Variants in SH3TC2 observed in about 807,000 individuals in gnomAD.
SH3TC2 encodes the protein SH3 domain and tetratricopeptide repeats 2, also known as SH3 domain and tetratricopeptide repeat-containing protein 2.
In SH3TC2, 87 loss-of-function variants were observed where a neutral mutation model predicts 124.5. The observed-to-expected ratio is 0.70, with a 90% CI of 0.59 to 0.84. SH3TC2 has a LOEUF of 0.84. Among genes scored for constraint, SH3TC2 ranks in the 40% least tolerant of loss-of-function variants. The probability of loss-of-function intolerance (pLI) is 0.00; values close to 1 mark genes in which losing one functional copy is unlikely to be tolerated. For missense variants in SH3TC2, 1,536 were observed against 1,566.4 expected, an observed-to-expected ratio of 0.98 and a Z score of 0.33; for synonymous variants, 634 against 628.5, an observed-to-expected ratio of 1.01 and a Z score of -0.13.
At position 149,028,714 on chromosome 5, in the gene SH3TC2, C is replaced by G. The variant is rs768932852; in HGVS notation, c.1140G>C (p.Gly380=). 2.8e-5 allele frequency: 46 copies of G among 1,614,072 alleles called. No homozygotes were observed. Among genetic ancestry groups the G allele is most frequent in the Non-Finnish European group, 3.3e-5 (39 of 1,180,026 alleles). ...TDITSVYRLS[G]FESIQNPPND... is the part of the protein sequence containing the mutation. Reference sequence around the variant, plus strand: ...TTGGAGGATTCTGGATGGATTCAAACCCACCTAAGTAGAGATGAAGAACAG... The same window carrying G: ...TTGGAGGATTCTGGATGGATTCAAAGCCACCTAAGTAGAGATGAAGAACAG... The change falls in exon 10 of 17, where the codon GGG becomes GGC. Residue 380 remains glycine, a synonymous_variant. Transcript: ENST00000515425.
rs1233841634 is a variant in SH3TC2, at chr5:148,986,778, TTCCCATGCTGTAATC to T, written c.*17918_*17932del. On this transcript the variant is annotated 3_prime_UTR_variant, in exon 17 of 17. Transcript: ENST00000515425. ...CCAAATGTGACGAGCCTAAATCCCA[TTCCCATGCTGTAATC>T]TCCCAGTCCTGTTCTGTCTTGCTCC... 5.3e-5 allele frequency among the ~76,000 whole-genome samples: 8 copies of T among 152,164 alleles called. No individual in the cohort carries two copies. The highest frequency in any genetic ancestry group is 1.9e-4 in the African/African-American group (8 of 41,424).
In SH3TC2 at chr5:148,982,719, C is replaced by T. The variant is rs560852199; in HGVS notation, c.*21992G>A. 2.0e-5 allele frequency among the ~76,000 whole-genome samples: 3 copies of T among 152,032 alleles called. No individual in the cohort carries two copies. Among genetic ancestry groups the T allele is most frequent in the Non-Finnish European group, 2.9e-5 (2 of 67,996 alleles). On this transcript the variant is annotated 3_prime_UTR_variant, in exon 17 of 17. Coordinates refer to ENST00000515425, the MANE Select transcript of SH3TC2 (RefSeq NM_024577.4). ...AATTGTTTTTATACACACAAAATAT[C>T]CCTGGAAGAATACACAAGAAACTAA...
chr5:149,010,295 C>T lies in SH3TC2; in HGVS notation c.3302G>A (p.Arg1101Lys). The change falls in exon 14 of 17, where the codon AGG (arginine) becomes AAG (lysine). Residue 1101 changes from arginine to lysine, a missense_variant. Arg to Lys is a conservative substitution (Grantham distance 26). Transcript: ENST00000515425. Reference sequence around the variant, plus strand: ...TCGGTAGTACTCCACTGCATGATGCCTGTGGCGGGTCCCATTGAAGAACAC... The same window carrying T: ...TCGGTAGTACTCCACTGCATGATGCTTGTGGCGGGTCCCATTGAAGAACAC... ...GDVFFNGTRHRHHAVEYYRAG... is the reference protein window; with the variant it reads ...GDVFFNGTRHKHHAVEYYRAG... The T allele has an allele frequency of 1.9e-6, 3 of 1,614,230 alleles. No homozygotes were observed. The highest frequency in any genetic ancestry group is 2.5e-6 in the Non-Finnish European group (3 of 1,180,042).
intron 4 of SH3TC2, 149 bp from the exon 5 acceptor site, chr5:149,042,986 G>A: frequency 1.2e-6 from 1 of 865,644 alleles, no homozygotes; most frequent in South Asian, 1.4e-5. Context: ...AACATAAGAG[G>A]CAAAGCCAGA....
In SH3TC2 at chr5:148,982,485, A is replaced by T. The variant is rs1316665525; in HGVS notation, c.*22226T>A. Among the ~76,000 whole-genome samples, 2 of 152,356 alleles carry T rather than the reference A, an allele frequency of 1.3e-5. No homozygotes were observed. Among genetic ancestry groups the T allele is most frequent in the East Asian group, 3.9e-4 (2 of 5,186 alleles). On this transcript the variant is annotated 3_prime_UTR_variant, in exon 17 of 17. Coordinates refer to ENST00000515425, the MANE Select transcript of SH3TC2 (RefSeq NM_024577.4). The stretch of plus-strand genomic sequence containing the variant: ...TTTACAGTAGCACAGTATCAAAAAT[A>T]ACCAAATTGACACCACTAGAGAACC...
chr5:149,034,543 A>G, intron 8 of SH3TC2: 1 of 387,582 alleles, frequency 2.6e-6, no homozygotes, highest in Non-Finnish European at 5.1e-6. Flanking sequence ...AATAAATATA[A>G]TATCATTTTT....
intron 3 of SH3TC2, chr5:149,045,598 G>C (rs918954073): frequency 6.6e-6 from 1 of 152,072 alleles, no homozygotes; most frequent in Non-Finnish European, 1.5e-5. Context: ...TGCTCACAAG[G>C]AGAGTGACAG....
At position 149,002,091 on chromosome 5, in the gene SH3TC2, G is replaced by C. The variant is rs1233802141; in HGVS notation, c.*2620C>G. The C allele has an allele frequency of 2.0e-5, 3 of 152,668 alleles. No individual in the cohort carries two copies. The highest frequency in any genetic ancestry group is 4.4e-5 in the Non-Finnish European group (3 of 68,056). The allele number at this position is 152,668 out of a possible 1,614,324, so 9.5% of individuals were successfully genotyped here. On this transcript the variant is annotated 3_prime_UTR_variant, in exon 17 of 17. Coordinates refer to ENST00000515425, the MANE Select transcript of SH3TC2 (RefSeq NM_024577.4). ...CGGCCAATATCAAAAGCCTCATGCA[G>C]TTGTGGGAACTGCTCTTTCAGAGAA...
chr5:149,004,237 C>T lies in SH3TC2; in HGVS notation c.*474G>A, dbSNP rs1753643975. On this transcript the variant is annotated 3_prime_UTR_variant, in exon 17 of 17. Coordinates refer to ENST00000515425, the MANE Select transcript of SH3TC2 (RefSeq NM_024577.4). ...ATGAGGAGTGATACATACTTTGGTT[C>T]TGAAGAAAGAAATGGAAAAAACTAC... 8 of 183,886 alleles carry T rather than the reference C, an allele frequency of 4.4e-5. No individual in the cohort carries two copies. The South Asian group carries it at 9.2e-4, about 21-fold the overall frequency. The allele number at this position is 183,886 out of a possible 1,614,324, so 11.4% of individuals were successfully genotyped here.
At position 149,028,033 on chromosome 5, in the gene SH3TC2, A is replaced by G; in HGVS notation, c.1699T>C (p.Leu567=). 6.2e-7 allele frequency: 1 copy of G among 1,614,130 alleles called. No homozygotes were observed. The highest frequency in any genetic ancestry group is 8.5e-7 in the Non-Finnish European group (1 of 1,180,024). ...AAATTGATGTACAGAGTGGCCACCAAGGATAGGTCCTCAAATGCTCCATTG... is the reference window on the plus strand; with the variant it reads ...AAATTGATGTACAGAGTGGCCACCAGGGATAGGTCCTCAAATGCTCCATTG... ...ILNGAFEDLS[L]VATLYINLAA... is the part of the protein sequence containing the mutation. Residue 567 remains leucine (L), a synonymous_variant, in exon 11 of 17, where the codon TTG becomes CTG. Coordinates refer to ENST00000515425, the MANE Select transcript of SH3TC2 (RefSeq NM_024577.4).
rs769473499 is a variant in SH3TC2, at chr5:148,989,255, CT to C, written c.*15455del. ...TACATTCCAGCCACCATGCTAACTGCTTTAGACATATTAATTCATTAATTTT... is the reference window on the plus strand; with the variant it reads ...TACATTCCAGCCACCATGCTAACTGCTTAGACATATTAATTCATTAATTTT... On this transcript the variant is annotated 3_prime_UTR_variant, in exon 17 of 17. Transcript: ENST00000515425. Among the ~76,000 whole-genome samples the C allele has an allele frequency of 2.0e-5, 3 of 152,142 alleles. No individual in the cohort carries two copies. Among genetic ancestry groups the C allele is most frequent in the Non-Finnish European group, 2.9e-5 (2 of 68,032 alleles).
At chr5:149,044,868 A>G (rs1754431373) in intron 3 of SH3TC2, 2 of 484,640 alleles carry the variant, frequency 4.1e-6, no homozygotes, top group Non-Finnish European at 7.5e-6. Flanking sequence ...AGAAGAAAGA[A>G]GCTCTTTGTG....
rs1378822623 is a variant in SH3TC2, at chr5:148,991,227, T to C, written c.*13484A>G. On this transcript the variant is annotated 3_prime_UTR_variant, in exon 17 of 17. Coordinates refer to ENST00000515425, the MANE Select transcript of SH3TC2 (RefSeq NM_024577.4). ...CTCTATACAAAAGCTTTTACCCATA[T>C]ACCACATTGGATGTGAGAGTGAATA... is the stretch of plus-strand genomic sequence containing the variant. Among the ~76,000 whole-genome samples, 3 of 152,228 alleles carry C rather than the reference T, an allele frequency of 2.0e-5. No homozygotes were observed. Among genetic ancestry groups the C allele is most frequent in the Non-Finnish European group, 2.9e-5 (2 of 68,042 alleles).
intron 7 of SH3TC2, among the ~76,000 whole-genome samples, chr5:149,040,165 T>A (rs1176937371): frequency 6.6e-6 from 1 of 152,210 alleles, no homozygotes; most frequent in Non-Finnish European, 1.5e-5. Flanking sequence ...GTGCCAGGCA[T>A]TTCTACTCTT....
chr5:149,051,088 C>T (rs1364432133), intron 2 of SH3TC2, among the ~76,000 whole-genome samples: 10 of 152,204 alleles, frequency 6.6e-5, no homozygotes, highest in Non-Finnish European at 1.5e-5. Flanking sequence ...TACCGTACAA[C>T]AGAAATCAAG....
intron 12 of SH3TC2, among the ~76,000 whole-genome samples, chr5:149,013,534 G>A (rs1753819940): frequency 6.6e-6 from 1 of 152,190 alleles, no homozygotes; most frequent in Non-Finnish European, 1.5e-5. Flanking sequence ...TTGAGTGAAT[G>A]CATGAATGAG....
chr5:149,018,284 G>A (rs1002386759), intron 12 of SH3TC2, among the ~76,000 whole-genome samples: 3 of 151,900 alleles, frequency 2.0e-5, no homozygotes, highest in Non-Finnish European at 2.9e-5. Flanking sequence ...GCAACCCCCC[G>A]CCCCCATGCC....
At chr5:149,026,448 T>G in intron 12 of SH3TC2, 124 bp downstream of exon 12, 1 of 1,182,704 alleles carries the variant, frequency 8.5e-7, no homozygotes. Context: ...TGCAGAGCCC[T>G]TGCTCTTTTG....
chr5:149,030,482 C>T (rs1156604887), intron 9 of SH3TC2, among the ~76,000 whole-genome samples: 1 of 152,238 alleles, frequency 6.6e-6, no homozygotes, highest in African/African-American at 2.4e-5. Context: ...AGGCCTTCTC[C>T]CCAAGGAACA....
Sources: gnomAD v4.1 joint callset for allele counts (sites outside exome capture counted in the v4.1 genomes callset) on GRCh38, gnomAD v4.1.1 for gene constraint, MANE v1.5 for transcripts, NCBI Gene and HGNC (gene_info 2026-07-23, HGNC 2026-07-21) for gene names.